The following CDC42SE2 variants were observed in gnomAD, a reference collection of about 807,000 sequenced individuals.
The protein encoded by CDC42SE2 is CDC42 small effector 2, also known as CDC42 small effector protein 2.
In CDC42SE2, 3 loss-of-function variants were observed where a neutral mutation model predicts 11.5. That is an observed-to-expected ratio of 0.26 (90% confidence interval 0.12 to 0.67). The LOEUF (loss-of-function observed/expected upper bound fraction) is 0.67. CDC42SE2 is among the 30% of genes least tolerant of loss of function. CDC42SE2 has a pLI of 0.80. For missense variants in CDC42SE2, 82 were observed against 106.8 expected, an observed-to-expected ratio of 0.77 and a Z score of 1.02; for synonymous variants, 33 against 34.8, an observed-to-expected ratio of 0.95 and a Z score of 0.18.
chr5:131,390,883 C>T (rs1750630546), intron 4 of CDC42SE2, 110 bp from the exon 5 acceptor site: 6 of 595,526 alleles, frequency 1.0e-5, no homozygotes, highest in South Asian at 2.7e-5. Flanking sequence ...ATAAAAGTAC[C>T]CTTCTGAAAA....
chr5:131,253,404 AG>A, intron 1 of CDC42SE2, among the ~76,000 whole-genome samples: 2 of 152,314 alleles, frequency 1.3e-5, no homozygotes, highest in East Asian at 3.9e-4. Context: ...GCCACTCAAT[AG>A]GTGGACAGCA....
chr5:131,282,925 G>C (rs1212032811), intron 1 of CDC42SE2, among the ~76,000 whole-genome samples: 1 of 147,364 alleles, frequency 6.8e-6, no homozygotes, highest in East Asian at 2.0e-4. Context: ...CACTGCACCT[G>C]GCCCTTTTTT....
At chr5:131,279,631 A>G (rs555605935) in intron 1 of CDC42SE2, among the ~76,000 whole-genome samples, 6 of 151,822 alleles carry the variant, frequency 4.0e-5, no homozygotes, top group South Asian at 2.1e-4. Context: ...TGTTTTCTCA[A>G]GTTTTTTCCT....
In CDC42SE2 at chr5:131,304,190, C is replaced by T. The variant is rs138775212; in HGVS notation, c.-454-11786C>T. Among the ~76,000 whole-genome samples the T allele has an allele frequency of 4.1e-3, 627 of 152,080 alleles. 4 individuals carry two copies. The highest frequency in any genetic ancestry group is 0.013 in the African/African-American group (543 of 41,498). ...GTAGAAATGGGGTCTCTCTACATTG[C>T]CCAGGCTTGTCTTGAACTCCTGGGC... is the stretch of plus-strand genomic sequence containing the variant. On this transcript the variant is annotated intron_variant, in intron 1 of 4. Coordinates refer to ENST00000505065, the MANE Select transcript of CDC42SE2 (RefSeq NM_001375635.1).
At chr5:131,350,547 C>CTT (rs1347040543) in intron 2 of CDC42SE2, among the ~76,000 whole-genome samples, 1 of 151,634 alleles carries the variant, frequency 6.6e-6, no homozygotes, top group African/African-American at 2.4e-5. Context: ...CTACATAAGG[C>CTT]TTTAACGCCC....
chr5:131,241,420 T>C (rs1756540030), upstream of CDC42SE2, among the ~76,000 whole-genome samples: 3 of 152,160 alleles, frequency 2.0e-5, no homozygotes, highest in African/African-American at 7.2e-5. Context: ...CTCAAAGTTA[T>C]ATATTTTTAC....
At chr5:131,269,948 C>G (rs1756958223) in intron 1 of CDC42SE2, among the ~76,000 whole-genome samples, 1 of 151,930 alleles carries the variant, frequency 6.6e-6, no homozygotes. Context: ...GTAATCCCAG[C>G]CACTTGGGAG....
intron 1 of CDC42SE2, among the ~76,000 whole-genome samples, chr5:131,308,545 A>G (rs1287526390): frequency 1.3e-5 from 2 of 151,798 alleles, no homozygotes; most frequent in African/African-American, 4.8e-5. Context: ...CAGTATGGCC[A>G]TTTTCACGAT....
the CDC42SE2 span, among the ~76,000 whole-genome samples, chr5:131,239,425 A>G: frequency 2.6e-5 from 4 of 152,126 alleles, no homozygotes; most frequent in Admixed American, 2.6e-4. Flanking sequence ...CAACAGAGCG[A>G]GACCTTGTAT....
At chr5:131,342,146 G>C (rs1170359841) in intron 2 of CDC42SE2, among the ~76,000 whole-genome samples, 2 of 150,630 alleles carry the variant, frequency 1.3e-5, no homozygotes, top group East Asian at 4.1e-4. Flanking sequence ...TGGGTGTCGT[G>C]GTGCATGCCT....
chr5:131,286,822 A>G (rs982602329), intron 1 of CDC42SE2, among the ~76,000 whole-genome samples: 5 of 151,728 alleles, frequency 3.3e-5, no homozygotes, highest in Non-Finnish European at 5.9e-5. Flanking sequence ...CATATACTAG[A>G]TACATGTTAA....
the CDC42SE2 span, among the ~76,000 whole-genome samples, chr5:131,221,595 G>C: frequency 6.6e-6 from 1 of 150,604 alleles, no homozygotes; most frequent in Non-Finnish European, 1.5e-5. Flanking sequence ...CACATTACCA[G>C]TGAAAAAAAA....
At chr5:131,271,702 C>T (rs1278381152) in intron 1 of CDC42SE2, among the ~76,000 whole-genome samples, 1 of 152,172 alleles carries the variant, frequency 6.6e-6, no homozygotes, top group African/African-American at 2.4e-5. Flanking sequence ...TCTTTGCTGT[C>T]CCAAGACCAC....
chr5:131,227,859 A>G, the CDC42SE2 span, among the ~76,000 whole-genome samples: 1 of 152,202 alleles, frequency 6.6e-6, no homozygotes, highest in Admixed American at 6.5e-5. Context: ...TGCCTGGGCA[A>G]CATGGCAAAA....
At position 131,252,785 on chromosome 5, in the gene CDC42SE2, C is replaced by T. The variant is rs1756651872; in HGVS notation, n.108-2310C>T. The stretch of plus-strand genomic sequence containing the variant: ...TTCTCTAGTTCCCTAAAGGCATCAG[C>T]CTCTCATATCTTCCTGATTTTATAC... On this transcript the variant is annotated intron_variant and non_coding_transcript_variant, in intron 1 of 3. Transcript: ENST00000502840. 3.9e-5 allele frequency among the ~76,000 whole-genome samples: 6 copies of T among 152,288 alleles called. No homozygotes were observed. In the South Asian group the frequency reaches 1.2e-3, roughly 32 times the overall value.
At chr5:131,230,902 C>A in the CDC42SE2 span, among the ~76,000 whole-genome samples, 1 of 152,240 alleles carries the variant, frequency 6.6e-6, no homozygotes, top group East Asian at 1.9e-4. Flanking sequence ...CATTGTTAAA[C>A]CTGTTTTGCA....
chr5:131,365,358 A>C (rs967118984), intron 3 of CDC42SE2, among the ~76,000 whole-genome samples: 1 of 152,088 alleles, frequency 6.6e-6, no homozygotes, highest in Admixed American at 6.6e-5. Context: ...AACAATTCCC[A>C]TGAAAGGTGG....
intron 2 of CDC42SE2, among the ~76,000 whole-genome samples, chr5:131,323,547 G>GTTTTTTT (rs1171213231): frequency 8.5e-5 from 7 of 82,588 alleles, no homozygotes; most frequent in East Asian, 4.4e-4. Flanking sequence ...TCTCTCTCTG[G>GTTTTTTT]TTTTTTTTTT....
chr5:131,232,542 G>C, the CDC42SE2 span, among the ~76,000 whole-genome samples: 1 of 151,912 alleles, frequency 6.6e-6, no homozygotes, highest in African/African-American at 2.4e-5. Context: ...AGACCAGCCT[G>C]ACCAACATGA....
Sources: gnomAD v4.1 joint callset for allele counts (sites outside exome capture counted in the v4.1 genomes callset) on GRCh38, gnomAD v4.1.1 for gene constraint, MANE v1.5 for transcripts, NCBI Gene and HGNC (gene_info 2026-07-23, HGNC 2026-07-21) for gene names.